The following SNX18 variants were observed in gnomAD, a reference collection of about 807,000 sequenced individuals.
SNX18 encodes sorting nexin-18.
Under a neutral mutation model 48.7 loss-of-function variants are expected in SNX18, and 35 were observed. The ratio of observed to expected loss-of-function variants is 0.72; its 90% CI spans 0.55 to 0.95. The LOEUF (loss-of-function observed/expected upper bound fraction) is 0.95. SNX18 is among the 40% of genes least tolerant of loss of function. SNX18 has a pLI of 0.00. For missense variants in SNX18, 824 were observed against 871.0 expected, an observed-to-expected ratio of 0.95 and a Z score of 0.68; for synonymous variants, 492 against 384.7, an observed-to-expected ratio of 1.28 and a Z score of -3.26.
At chr5:54,584,046 CTTTTT>C in the SNX18 span, among the ~76,000 whole-genome samples, 3 of 110,650 alleles carry the variant, frequency 2.7e-5, no homozygotes, top group African/African-American at 1.0e-4. Flanking sequence ...GTGTGTAGCT[CTTTTT>C]TTTTTTTTTT....
chr5:54,543,222 A>AGGGAAGATGGAG lies in SNX18; in HGVS notation c.1667_1678dup (p.Gly556_Glu559dup). ...AGGAGAGTAGGCGACACGTGGAGGAAGGGAAGATGGAGGTGCAGAAGGCTG... is the reference window on the plus strand; with the variant it reads ...AGGAGAGTAGGCGACACGTGGAGGAAGGGAAGATGGAGGGGAAGATGGAGGTGCAGAAGGCTG... On this transcript the variant is annotated inframe_insertion, in exon 2 of 2. Coordinates refer to ENST00000381410, the MANE Select transcript of SNX18 (RefSeq NM_001102575.2). The AGGGAAGATGGAG allele has an allele frequency of 6.2e-7, 1 of 1,614,140 alleles. No individual in the cohort carries two copies. The highest frequency in any genetic ancestry group is 8.5e-7 in the Non-Finnish European group (1 of 1,180,026).
At chr5:54,607,019 C>G in the SNX18 span, among the ~76,000 whole-genome samples, 2 of 152,274 alleles carry the variant, frequency 1.3e-5, no homozygotes, top group South Asian at 4.1e-4. Context: ...ATATGTCCTC[C>G]AGTTTTGAAA....
At chr5:54,646,478 C>G in the SNX18 span, among the ~76,000 whole-genome samples, 2 of 152,216 alleles carry the variant, frequency 1.3e-5, no homozygotes, top group South Asian at 4.1e-4. Context: ...CTGCGTTAGC[C>G]GCATTGCGGG....
At chr5:54,551,105 G>A (rs189952769), downstream of SNX18, among the ~76,000 whole-genome samples, 77 of 151,602 alleles carry the variant, frequency 5.1e-4, 6 homozygotes, top group East Asian at 6.6e-3. Flanking sequence ...AAAAAAAGAT[G>A]TCAAAAGGTG....
chr5:54,628,637 G>GAA, the SNX18 span, among the ~76,000 whole-genome samples: 1 of 152,196 alleles, frequency 6.6e-6, no homozygotes, highest in Non-Finnish European at 1.5e-5. Context: ...CCAGGAAGGT[G>GAA]AAAACACAAA....
the SNX18 span, among the ~76,000 whole-genome samples, chr5:54,632,821 T>C: frequency 7.7e-4 from 118 of 152,284 alleles, no homozygotes; most frequent in South Asian, 1.9e-3. Flanking sequence ...GTCGCCAGGC[T>C]GGAGTACAGT....
At position 54,519,030 on chromosome 5, in the gene SNX18, A is replaced by G; in HGVS notation, c.1078A>G (p.Met360Val). 1 of 1,613,212 alleles carries G rather than the reference A, an allele frequency of 6.2e-7. No individual in the cohort carries two copies. The highest frequency in any genetic ancestry group is 8.5e-7 in the Non-Finnish European group (1 of 1,179,522). Reference sequence around the variant, plus strand: ...GCGCAGGAAGGGCCTGATCTGGTGGATGAACCACATGGCCAGCCACCCAGT... The same window carrying G: ...GCGCAGGAAGGGCCTGATCTGGTGGGTGAACCACATGGCCAGCCACCCAGT... ...SKRRKGLIWW[M>V]NHMASHPVLA... Residue 360 changes from methionine to valine, a missense_variant, in exon 1 of 2, where the codon ATG (methionine) becomes GTG (valine). Around this residue, in one of 3 missense-constraint regions of SNX18, gnomAD observed 443 missense variants for 503.6 expected, o/e 0.88. Coordinates refer to ENST00000381410, the MANE Select transcript of SNX18 (RefSeq NM_001102575.2).
chr5:54,589,854 T>C, the SNX18 span, among the ~76,000 whole-genome samples: 1 of 152,164 alleles, frequency 6.6e-6, no homozygotes, highest in African/African-American at 2.4e-5. Context: ...TGAGACAGAG[T>C]CTTGCTCTCT....
the SNX18 span, among the ~76,000 whole-genome samples, chr5:54,618,429 A>G: frequency 6.6e-6 from 1 of 152,316 alleles, no homozygotes; most frequent in Non-Finnish European, 1.5e-5. Flanking sequence ...AAATCCCAGC[A>G]GAGTCCCAGG....
intron 1 of SNX18, chr5:54,520,723 ACAG>A (rs1762011689): frequency 6.0e-6 from 1 of 167,058 alleles, no homozygotes; most frequent in African/African-American, 2.4e-5. Context: ...ACATTTGGAG[ACAG>A]CAGTCTCGCT....
At chr5:54,547,766 G>A (rs1335485696), downstream of SNX18, among the ~76,000 whole-genome samples, 2 of 152,180 alleles carry the variant, frequency 1.3e-5, no homozygotes, top group Non-Finnish European at 2.9e-5. Context: ...CCTCCATGCA[G>A]TGCCAATAGA....
the SNX18 span, among the ~76,000 whole-genome samples, chr5:54,633,314 T>C: frequency 6.6e-6 from 1 of 152,096 alleles, no homozygotes; most frequent in Non-Finnish European, 1.5e-5. Context: ...CAGGTGGTGA[T>C]GGCATCATAG....
the SNX18 span, among the ~76,000 whole-genome samples, chr5:54,584,941 T>C: frequency 2.4e-4 from 36 of 152,320 alleles, no homozygotes; most frequent in Admixed American, 1.3e-3. Context: ...ATTTTAACTA[T>C]GTGGCCGACG....
At chr5:54,563,278 A>G in the SNX18 span, among the ~76,000 whole-genome samples, 13 of 152,176 alleles carry the variant, frequency 8.5e-5, no homozygotes, top group African/African-American at 3.1e-4. Context: ...TTCACTCACT[A>G]TTCACTCACT....
chr5:54,616,521 C>T, the SNX18 span, among the ~76,000 whole-genome samples: 9 of 152,102 alleles, frequency 5.9e-5, no homozygotes, highest in African/African-American at 1.7e-4. Context: ...ACCTGTAATC[C>T]CATCACTTTG....
At chr5:54,525,388 A>AG (rs1446773499) in intron 1 of SNX18, among the ~76,000 whole-genome samples, 1 of 152,064 alleles carries the variant, frequency 6.6e-6, no homozygotes, top group African/African-American at 2.4e-5. Flanking sequence ...AAAAAAAAAA[A>AG]AAAAATTAAG....
chr5:54,529,621 A>G (rs1437822817), intron 1 of SNX18, among the ~76,000 whole-genome samples: 1 of 151,292 alleles, frequency 6.6e-6, no homozygotes, highest in East Asian at 1.9e-4. Context: ...AGCATTTTAT[A>G]TATGTCCTTT....
the SNX18 span, among the ~76,000 whole-genome samples, chr5:54,637,294 T>C: frequency 1.3e-5 from 2 of 152,226 alleles, no homozygotes; most frequent in African/African-American, 4.8e-5. Context: ...ATAAATCTCC[T>C]ATAATTTTCT....
the SNX18 span, among the ~76,000 whole-genome samples, chr5:54,596,951 C>T: frequency 8.5e-5 from 13 of 152,174 alleles, no homozygotes; most frequent in East Asian, 1.9e-4. Flanking sequence ...TGTACTGACA[C>T]GAAGTGGCAA....
Sources: gnomAD v4.1 joint callset for allele counts (sites outside exome capture counted in the v4.1 genomes callset) on GRCh38, gnomAD v4.1.1 for gene constraint, gnomAD v4.1.1 regional missense constraint, MANE v1.5 for transcripts, NCBI Gene and HGNC (gene_info 2026-07-23, HGNC 2026-07-21) for gene names.